The following OPCML variants were observed in gnomAD, a reference collection of about 807,000 sequenced individuals.
OPCML encodes opioid-binding protein/cell adhesion molecule.
Under a neutral mutation model 37.8 loss-of-function variants are expected in OPCML, and 13 were observed. The ratio of observed to expected loss-of-function variants is 0.34; its 90% CI spans 0.22 to 0.55. OPCML has a LOEUF of 0.55. Ranked by LOEUF, OPCML falls within the 20% of genes least tolerant of loss-of-function variation. The pLI is 0.91. For synonymous variants in OPCML, 176 were observed against 168.8 expected, an observed-to-expected ratio of 1.04 and a Z score of -0.33; for missense variants, 341 against 435.6, an observed-to-expected ratio of 0.78 and a Z score of 1.93.
intron 1 of OPCML, among the ~76,000 whole-genome samples, chr11:133,308,901 A>G (rs761534434): frequency 1.4e-4 from 22 of 152,242 alleles, no homozygotes; most frequent in Admixed American, 7.2e-4. Flanking sequence ...AATTGGAGCA[A>G]CTTGAAAAGT....
intron 4 of OPCML, among the ~76,000 whole-genome samples, chr11:132,504,864 C>T (rs772951038): frequency 3.5e-4 from 53 of 152,074 alleles, no homozygotes; most frequent in Non-Finnish European, 5.1e-4. Context: ...TATCAGGAGG[C>T]GGGGTCACTG....
intron 1 of OPCML, among the ~76,000 whole-genome samples, chr11:133,411,269 C>A (rs1477357132): frequency 6.6e-6 from 1 of 152,186 alleles, no homozygotes; most frequent in Non-Finnish European, 1.5e-5. Context: ...CAGGCTTAAA[C>A]TTGGATTTAA....
chr11:133,106,525 G>A (rs1027360294), intron 1 of OPCML, among the ~76,000 whole-genome samples: 1 of 152,234 alleles, frequency 6.6e-6, no homozygotes, highest in Non-Finnish European at 1.5e-5. Context: ...TCCCCTAGCA[G>A]TGTAAGGAAC....
intron 3 of OPCML, among the ~76,000 whole-genome samples, chr11:132,591,641 T>G (rs1308297173): frequency 6.6e-6 from 1 of 152,248 alleles, no homozygotes; most frequent in Non-Finnish European, 1.5e-5. Context: ...TGTCTCAGTC[T>G]CCTCATCTTT....
At position 133,214,940 on chromosome 11, in the gene OPCML, G is replaced by A. The variant is rs143515230; in HGVS notation, c.62-271930C>T. On this transcript the variant is annotated intron_variant, in intron 1 of 7. Transcript: ENST00000524381. ...TCTGACCCCTCGTTGGGCACCCAGA[G>A]CATATAAATAGATAATTACAGAAAC... is the stretch of plus-strand genomic sequence containing the variant. 1.3e-3 allele frequency among the ~76,000 whole-genome samples: 197 copies of A among 152,202 alleles called. 1 individual carries two copies. The highest frequency in any genetic ancestry group is 4.5e-3 in the African/African-American group (189 of 41,548).
intron 4 of OPCML, among the ~76,000 whole-genome samples, chr11:132,441,165 GTTTTT>G (rs68143578): frequency 3.6e-4 from 26 of 72,398 alleles, no homozygotes; most frequent in Admixed American, 3.5e-3. Flanking sequence ...GGACTTTTTT[GTTTTT>G]TTTTTTTTTT....
intron 1 of OPCML, among the ~76,000 whole-genome samples, chr11:133,290,160 A>G (rs1942436774): frequency 1.3e-5 from 2 of 152,214 alleles, no homozygotes; most frequent in African/African-American, 4.8e-5. Flanking sequence ...CTGTGAATGC[A>G]GCATCACAAA....
rs1337117057 is a variant in OPCML, at chr11:132,415,927, T to A, written c.*4266A>T. 6.6e-6 allele frequency: 1 copy of A among 152,622 alleles called. No individual in the cohort carries two copies. Among genetic ancestry groups the A allele is most frequent in the Non-Finnish European group, 1.5e-5 (1 of 68,040 alleles). The allele number at this position is 152,622 out of a possible 1,614,324, so 9.5% of individuals were successfully genotyped here. ...GGCGTTCTCATCATATGGTCTCTTTTTGAAAATGTTGCCTTCCTACTTACA... is the reference window on the plus strand; with the variant it reads ...GGCGTTCTCATCATATGGTCTCTTTATGAAAATGTTGCCTTCCTACTTACA... On this transcript the variant is annotated 3_prime_UTR_variant, in exon 8 of 8. Coordinates refer to ENST00000524381, the MANE Select transcript of OPCML (RefSeq NM_001012393.5).
At chr11:132,459,827 C>G (rs929737183) in intron 4 of OPCML, among the ~76,000 whole-genome samples, 2 of 152,060 alleles carry the variant, frequency 1.3e-5, no homozygotes, top group African/African-American at 4.8e-5. Context: ...CTCATGAAAG[C>G]AAATACAAGT....
chr11:133,272,878 G>A (rs1021569815), intron 1 of OPCML, among the ~76,000 whole-genome samples: 1 of 152,192 alleles, frequency 6.6e-6, no homozygotes, highest in Non-Finnish European at 1.5e-5. Context: ...GAAGTGAGGA[G>A]TCAGCAGGGG....
chr11:132,524,739 G>C (rs2096303564), intron 4 of OPCML, among the ~76,000 whole-genome samples: 1 of 152,160 alleles, frequency 6.6e-6, no homozygotes, highest in South Asian at 2.1e-4. Context: ...AAGGAGATGA[G>C]AGGTCGACAG....
intron 1 of OPCML, among the ~76,000 whole-genome samples, chr11:133,289,455 C>T (rs913382128): frequency 8.6e-5 from 13 of 151,372 alleles, no homozygotes; most frequent in Non-Finnish European, 1.3e-4. Flanking sequence ...ATTAGCCGGG[C>T]GTAGTGGCGG....
At chr11:132,426,603 T>C (rs1329781403) in intron 7 of OPCML, among the ~76,000 whole-genome samples, 1 of 152,180 alleles carries the variant, frequency 6.6e-6, no homozygotes, top group Admixed American at 6.5e-5. Flanking sequence ...TGGCTAATTT[T>C]TGTATTTTTG....
intron 1 of OPCML, among the ~76,000 whole-genome samples, chr11:133,443,714 AGAAG>A (rs1946411292): frequency 6.6e-6 from 1 of 152,174 alleles, no homozygotes; most frequent in South Asian, 2.1e-4. Context: ...TTCTTTTGTC[AGAAG>A]GAAGAATTCA....
chr11:133,004,799 C>A (rs769748012), intron 1 of OPCML: 92 of 985,332 alleles, frequency 9.3e-5, no homozygotes, highest in Admixed American at 1.2e-4. Flanking sequence ...TTCCACCACA[C>A]TCCGTCTAAC....
At chr11:133,083,166 C>T (rs1591985839) in intron 1 of OPCML, among the ~76,000 whole-genome samples, 1 of 152,184 alleles carries the variant, frequency 6.6e-6, no homozygotes, top group Non-Finnish European at 1.5e-5. Context: ...ACGCACACAC[C>T]CCGCCGAGCG....
chr11:132,611,480 A>C (rs1448920058), intron 3 of OPCML, among the ~76,000 whole-genome samples: 1 of 152,220 alleles, frequency 6.6e-6, no homozygotes, highest in African/African-American at 2.4e-5. Context: ...CAACATGGAT[A>C]GTTAATAACC....
intron 2 of OPCML, among the ~76,000 whole-genome samples, chr11:132,694,047 G>A (rs958855402): frequency 1.3e-5 from 2 of 152,006 alleles, no homozygotes; most frequent in Non-Finnish European, 2.9e-5. Flanking sequence ...ACTGAGAGAG[G>A]CTCTGATTTC....
intron 1 of OPCML, among the ~76,000 whole-genome samples, chr11:133,530,091 CA>C (rs1244378700): frequency 6.6e-6 from 1 of 152,172 alleles, no homozygotes; most frequent in East Asian, 1.9e-4. Flanking sequence ...AAGATGGGGG[CA>C]GGGGGGTGGG....
Sources: allele counts gnomAD v4.1 joint callset (sites outside exome capture counted in the v4.1 genomes callset), GRCh38; gene constraint gnomAD v4.1.1; transcripts MANE v1.5; gene names NCBI Gene and HGNC (gene_info 2026-07-23, HGNC 2026-07-21).